The following POLN variants were observed in gnomAD, a reference collection of about 807,000 sequenced individuals.
POLN encodes DNA polymerase N.
A neutral mutation model predicts 113.5 loss-of-function variants in POLN; 108 were observed. The observed-to-expected ratio is 0.95, with a 90% CI of 0.81 to 1.12. POLN has a LOEUF of 1.12. POLN is among the 50% of genes most tolerant of loss of function. POLN has a pLI of 0.00. For missense variants in POLN, 1,097 were observed against 1,077.1 expected (o/e 1.02, Z -0.26); for synonymous variants, 386 against 391.5 (o/e 0.99, Z 0.17).
rs754319733 is a variant in POLN at position 2,176,287 on chromosome 4, C to T, written c.1227G>A (p.Met409Ile). Residue 409 changes from methionine to isoleucine, a missense_variant, in exon 9 of 26, where the codon ATG (methionine) becomes ATA (isoleucine). Coordinates refer to ENST00000511885, the MANE Select transcript of POLN (RefSeq NM_181808.4). ...ENLKTLYRLT[M>I]DLCSKLKDYG... ...TTGCCTTCAGTTTAGAGCAAAGGTC[C>T]ATTGTAAGTCTGTAGAGTGTCTTCA... 1.2e-6 allele frequency: 2 copies of T among 1,604,128 alleles called. No individual in the cohort carries two copies. The highest frequency in any genetic ancestry group is 1.3e-5 in the African/African-American group (1 of 74,374).
intron 18 of POLN, among the ~76,000 whole-genome samples, chr4:2,128,792 T>C (rs1404037766): frequency 2.6e-5 from 4 of 152,196 alleles, no homozygotes; most frequent in Non-Finnish European, 2.9e-5. Flanking sequence ...CAGTGGCTTA[T>C]GCCTGTAATC....
intron 16 of POLN, 100 bp downstream of exon 16, chr4:2,156,688 T>A (rs903409461): frequency 2.1e-6 from 2 of 940,354 alleles, no homozygotes; most frequent in African/African-American, 3.3e-5. Context: ...AGTCCCCTCT[T>A]GGAAACAGAA....
intron 13 of POLN, among the ~76,000 whole-genome samples, chr4:2,160,030 A>T (rs1270492238): frequency 1.3e-5 from 2 of 152,246 alleles, no homozygotes; most frequent in Non-Finnish European, 2.9e-5. Flanking sequence ...TAGCAGAGAT[A>T]CTGCCAGTTC....
In POLN at chr4:2,198,506, T is replaced by C. The variant is rs373887460; in HGVS notation, c.908+18A>G. On this transcript the variant is annotated intron_variant, in intron 6 of 25. Transcript: ENST00000511885. Reference sequence around the variant, plus strand: ...GGCATGTAAGTAGGGTGTGAGCCCATGTGTGAAGATTTCTTACCGGGCAAA... The same window carrying C: ...GGCATGTAAGTAGGGTGTGAGCCCACGTGTGAAGATTTCTTACCGGGCAAA... 84 of 1,597,624 alleles carry C rather than the reference T, an allele frequency of 5.3e-5. No homozygotes were observed. Among genetic ancestry groups the C allele is most frequent in the Admixed American group, 6.8e-5 (4 of 58,764 alleles).
chr4:2,119,771 C>T (rs1268441024), intron 19 of POLN, among the ~76,000 whole-genome samples: 2 of 152,020 alleles, frequency 1.3e-5, no homozygotes, highest in Non-Finnish European at 2.9e-5. Context: ...TAGTCCTCTG[C>T]TTGGAACATA....
chr4:2,236,637 T>C (rs1404480020), intron 2 of POLN, among the ~76,000 whole-genome samples: 3 of 151,978 alleles, frequency 2.0e-5, no homozygotes, highest in Non-Finnish European at 2.9e-5. Flanking sequence ...GGCGGGCAGA[T>C]TGCCTGAGCT....
chr4:2,174,896 C>T (rs916861244), intron 9 of POLN, 145 bp from the exon 10 acceptor site: 6 of 587,704 alleles, frequency 1.0e-5, no homozygotes, highest in Non-Finnish European at 1.8e-5. Context: ...GATCTCAGCG[C>T]ACTGCAACCT....
intron 19 of POLN, among the ~76,000 whole-genome samples, chr4:2,112,478 C>T (rs1381532772): frequency 2.0e-5 from 3 of 152,024 alleles, no homozygotes; most frequent in Admixed American, 1.3e-4. Flanking sequence ...ATTTTTGCAA[C>T]CTACTCATCT....
intron 3 of POLN, among the ~76,000 whole-genome samples, chr4:2,213,496 A>G (rs1316171170): frequency 6.6e-6 from 1 of 152,248 alleles, no homozygotes; most frequent in Non-Finnish European, 1.5e-5. Context: ...GAACAATTGA[A>G]GGTTCAGTAA....
At chr4:2,134,708 G>T (rs146271208) in intron 16 of POLN, among the ~76,000 whole-genome samples, 39 of 152,108 alleles carry the variant, frequency 2.6e-4, no homozygotes, top group Non-Finnish European at 5.3e-4. Flanking sequence ...AATTAAGCAG[G>T]CTGGGGGTCT....
chr4:2,072,426 GCCACACGCACACATGTGCATACACGT>G (rs1255468939), intron 25 of POLN, 127 bp from the exon 26 acceptor site: 2 of 794,076 alleles, frequency 2.5e-6, no homozygotes, highest in Non-Finnish European at 3.9e-6. Context: ...TGATCAGACA[GCCACACGCACACATGTGCATACACGT>G]GCACACTCAC....
At chr4:2,165,893 C>A (rs535292634) in intron 13 of POLN, among the ~76,000 whole-genome samples, 1 of 152,254 alleles carries the variant, frequency 6.6e-6, no homozygotes, top group South Asian at 2.1e-4. Flanking sequence ...CCTGCCACCT[C>A]AGCCTCACGA....
intron 16 of POLN, among the ~76,000 whole-genome samples, chr4:2,151,082 T>C (rs1339267246): frequency 6.6e-6 from 1 of 152,218 alleles, no homozygotes; most frequent in Non-Finnish European, 1.5e-5. Flanking sequence ...CTAAAGGACT[T>C]GTATCTAGAA....
In POLN at chr4:2,227,831, C is replaced by A. The variant is rs73796983; in HGVS notation, c.133+1268G>T. 2.3e-3 allele frequency: 345 copies of A among 152,214 alleles called. 1 individual carries two copies. The highest frequency in any genetic ancestry group is 7.8e-3 in the African/African-American group (325 of 41,528). The allele number at this position is 152,214 out of a possible 1,614,324, so 9.4% of individuals were successfully genotyped here. A position where few individuals can be genotyped will look rare whatever the true frequency, so the allele number is the denominator to read the frequency against. On this transcript the variant is annotated intron_variant, in intron 3 of 25. Coordinates refer to ENST00000511885, the MANE Select transcript of POLN (RefSeq NM_181808.4). ...GCCAGAGGCATTTCATTATTCTTAC[C>A]GGTTTTTGAAGGGGAGTATATTTCC...
chr4:2,226,816 C>T (rs1434369593), intron 3 of POLN, among the ~76,000 whole-genome samples: 2 of 152,144 alleles, frequency 1.3e-5, no homozygotes, highest in Non-Finnish European at 2.9e-5. Flanking sequence ...GAAATAGGCT[C>T]ATGGAAATAA....
chr4:2,133,946 T>G (rs908527900), intron 16 of POLN, among the ~76,000 whole-genome samples: 3 of 152,238 alleles, frequency 2.0e-5, no homozygotes, highest in Non-Finnish European at 2.9e-5. Context: ...TCCACCATCA[T>G]AGTATCATAC....
intron 19 of POLN, among the ~76,000 whole-genome samples, chr4:2,100,317 G>T (rs756192212): frequency 3.9e-5 from 6 of 152,098 alleles, no homozygotes; most frequent in Non-Finnish European, 7.4e-5. Flanking sequence ...AAAATTCCAC[G>T]GTAAATACAG....
At chr4:2,214,051 A>T (rs1424398965) in intron 3 of POLN, among the ~76,000 whole-genome samples, 1 of 151,998 alleles carries the variant, frequency 6.6e-6, no homozygotes, top group Non-Finnish European at 1.5e-5. Context: ...GCTTGGCCAA[A>T]ATGGTGAAAC....
intron 13 of POLN, among the ~76,000 whole-genome samples, chr4:2,166,430 C>A (rs561684716): frequency 1.3e-5 from 2 of 152,328 alleles, no homozygotes; most frequent in East Asian, 3.9e-4. Flanking sequence ...TGGCTCTTAT[C>A]CTGCTGGATG....
Sources: allele counts gnomAD v4.1 joint callset (sites outside exome capture counted in the v4.1 genomes callset), GRCh38; gene constraint gnomAD v4.1.1; transcripts MANE v1.5; gene names NCBI Gene and HGNC (gene_info 2026-07-23, HGNC 2026-07-21).